Variants in LPGAT1 observed in about 807,000 individuals in gnomAD.
LPGAT1 encodes the protein acyl-CoA:lysophosphatidylglycerol acyltransferase 1.
Under a neutral mutation model 47.5 loss-of-function variants are expected in LPGAT1, and 11 were observed. The ratio of observed to expected loss-of-function variants is 0.23; its 90% CI spans 0.15 to 0.38. The LOEUF is 0.38. Ranked by LOEUF, LPGAT1 falls within the 10% of genes least tolerant of loss-of-function variation. The probability of loss-of-function intolerance (pLI) is 1.00; values close to 1 mark genes in which losing one functional copy is unlikely to be tolerated. For missense variants in LPGAT1, 293 were observed against 439.0 expected, an observed-to-expected ratio of 0.67 and a Z score of 2.97; for synonymous variants, 138 against 144.2, an observed-to-expected ratio of 0.96 and a Z score of 0.31.
chr1:211,830,520 T>A lies in LPGAT1; in HGVS notation c.-28+53A>T. The A allele has an allele frequency of 8.4e-7, 1 of 1,194,498 alleles. No homozygotes were observed. Among genetic ancestry groups the A allele is most frequent in the African/African-American group, 1.6e-5 (1 of 62,714 alleles). 74.0% of individuals were successfully genotyped at this position (1,194,498 alleles called of 1,614,324 possible). Reference sequence around the variant, plus strand: ...CCTTCCCCGCCCCCAGCGCCTCCCCTGGCCCGGCTCCGCTGCCGCTCTGGG... The same window carrying A: ...CCTTCCCCGCCCCCAGCGCCTCCCCAGGCCCGGCTCCGCTGCCGCTCTGGG... On this transcript the variant is annotated intron_variant, in intron 1 of 7. Transcript: ENST00000366997. This position sits in a 1 kb window ranked among gnomAD's most constrained non-coding sequence, Gnocchi z 5.9.
intron 5 of LPGAT1, among the ~76,000 whole-genome samples, chr1:211,781,177 CT>C (rs751270760): frequency 1.3e-5 from 2 of 152,016 alleles, no homozygotes; most frequent in Non-Finnish European, 2.9e-5. Flanking sequence ...TATAATTTTT[CT>C]TCTAAACAGG....
Position 211,758,418 on chromosome 1 carries a change from C to G in LPGAT1, c.855-7351G>C, listed in dbSNP as rs547814832. Among the ~76,000 whole-genome samples the G allele has an allele frequency of 1.1e-4, 17 of 152,190 alleles. 1 individual carries two copies. In the East Asian group the frequency reaches 3.1e-3, roughly 28 times the overall value. ...ATTGCTCTGGTAAGAACCTCTAGTA[C>G]AGGGCCGGGCATTGTGGCTCACACC... is the stretch of plus-strand genomic sequence containing the variant. On this transcript the variant is annotated intron_variant, in intron 6 of 7. Transcript: ENST00000366997.
intron 6 of LPGAT1, among the ~76,000 whole-genome samples, chr1:211,778,359 A>C (rs796330229): frequency 0.021 from 3,178 of 148,644 alleles, 136 homozygotes; most frequent in South Asian, 0.1. Context: ...AAAAAAAAAA[A>C]AAAAAAAAAA....
intron 2 of LPGAT1, among the ~76,000 whole-genome samples, chr1:211,819,604 C>A (rs1482776229): frequency 2.6e-5 from 4 of 152,128 alleles, no homozygotes; most frequent in Non-Finnish European, 5.9e-5. Context: ...GGGTGGAGAG[C>A]AGCTTATAGG....
rs148168546 is a variant in LPGAT1, at chr1:211,822,902, G to A, written c.238+6157C>T. On this transcript the variant is annotated intron_variant, in intron 2 of 7. Transcript: ENST00000366997. ...GGAGTTTTTGTTCTCCACATGAGTA[G>A]AGAGCCTTAAGGAAGTTAGATTTTA... Among the ~76,000 whole-genome samples the A allele has an allele frequency of 1.1e-3, 170 of 152,218 alleles. 1 individual carries two copies. Among genetic ancestry groups the A allele is most frequent in the African/African-American group, 3.9e-3 (162 of 41,532 alleles).
chr1:211,766,250 A>C (rs867849062), intron 6 of LPGAT1, among the ~76,000 whole-genome samples: 4 of 152,150 alleles, frequency 2.6e-5, no homozygotes, highest in Non-Finnish European at 4.4e-5. Context: ...GACCGGAACG[A>C]CACCACTGGC....
At chr1:211,826,666 G>GATATATATATATATAT (rs10565966) in intron 2 of LPGAT1, among the ~76,000 whole-genome samples, 1 of 148,720 alleles carries the variant, frequency 6.7e-6, no homozygotes, top group African/African-American at 2.5e-5. Context: ...TTTGGAAAAA[G>GATATATATATATATAT]ATATATATAT....
chr1:211,751,138 T>C (rs564077448), intron 6 of LPGAT1, 71 bp from the exon 7 acceptor site: 2 of 967,882 alleles, frequency 2.1e-6, no homozygotes, highest in Admixed American at 2.4e-5. Flanking sequence ...AACCACAACT[T>C]ATGATGAAAA....
chr1:211,824,123 A>G (rs1269854767), intron 2 of LPGAT1, among the ~76,000 whole-genome samples: 1 of 152,136 alleles, frequency 6.6e-6, no homozygotes, highest in Non-Finnish European at 1.5e-5. Flanking sequence ...AGCCCAGTGC[A>G]GTGGCTCACC....
At chr1:211,761,950 G>C (rs1192569440) in intron 6 of LPGAT1, among the ~76,000 whole-genome samples, 1 of 152,056 alleles carries the variant, frequency 6.6e-6, no homozygotes, top group Non-Finnish European at 1.5e-5. Context: ...CTTCCATAAA[G>C]TTTCCTCTGG....
intron 6 of LPGAT1, among the ~76,000 whole-genome samples, chr1:211,777,371 GAAGAA>G (rs975452565): frequency 5.3e-5 from 8 of 152,108 alleles, no homozygotes; most frequent in African/African-American, 1.9e-4. Flanking sequence ...TAAACCCTGG[GAAGAA>G]AAGAAAAGTA....
At chr1:211,809,730 C>A (rs1036450438) in intron 2 of LPGAT1, among the ~76,000 whole-genome samples, 1 of 152,166 alleles carries the variant, frequency 6.6e-6, no homozygotes, top group Non-Finnish European at 1.5e-5. Flanking sequence ...CTTTGCTCCT[C>A]ATTCACTTTC....
intron 6 of LPGAT1, among the ~76,000 whole-genome samples, chr1:211,770,713 G>T (rs1001517306): frequency 6.6e-6 from 1 of 152,084 alleles, no homozygotes; most frequent in South Asian, 2.1e-4. Context: ...TAATATCCTA[G>T]GCCTTCACAT....
Position 211,744,159 on chromosome 1 carries a change from T to A in LPGAT1, c.*5740A>T, listed in dbSNP as rs1156289724. On this transcript the variant is annotated 3_prime_UTR_variant, in exon 8 of 8. Transcript: ENST00000366997. ...CCCTGGCCAGGGTCAGTGATAGGAATTTCCTGAGTTCAGCAAGTAGATTAA... is the reference window on the plus strand; with the variant it reads ...CCCTGGCCAGGGTCAGTGATAGGAAATTCCTGAGTTCAGCAAGTAGATTAA... The A allele has an allele frequency of 1.3e-5, 2 of 152,170 alleles. No individual in the cohort carries two copies. Among genetic ancestry groups the A allele is most frequent in the Admixed American group, 1.3e-4 (2 of 15,278 alleles). The allele number at this position is 152,170 out of a possible 1,614,324, so 9.4% of individuals were successfully genotyped here. A position where few individuals can be genotyped will look rare whatever the true frequency, so the allele number is the denominator to read the frequency against.
intron 2 of LPGAT1, among the ~76,000 whole-genome samples, chr1:211,795,436 C>G (rs1659312316): frequency 6.6e-6 from 1 of 152,126 alleles, no homozygotes; most frequent in Non-Finnish European, 1.5e-5. Context: ...GGCGTGATCT[C>G]AGCTCACCGC....
At position 211,790,215 on chromosome 1, in the gene LPGAT1, G is replaced by A. The variant is rs538198082; in HGVS notation, c.358-2488C>T. 4.3e-4 allele frequency among the ~76,000 whole-genome samples: 65 copies of A among 152,280 alleles called. 2 individuals are homozygous for A. The South Asian group carries it at 0.013, about 30-fold the overall frequency. ...TGGTCCTTGTGACAACAAGGACTAAGGAGTGCTACTAGCATTTAGTGTGTG... is the reference window on the plus strand; with the variant it reads ...TGGTCCTTGTGACAACAAGGACTAAAGAGTGCTACTAGCATTTAGTGTGTG... On this transcript the variant is annotated intron_variant, in intron 3 of 7. Transcript: ENST00000366997.
intron 6 of LPGAT1, among the ~76,000 whole-genome samples, chr1:211,756,580 C>T (rs1657464180): frequency 6.6e-6 from 1 of 152,150 alleles, no homozygotes; most frequent in Non-Finnish European, 1.5e-5. Flanking sequence ...GAGATACACC[C>T]TCTTCGGTCT....
intron 6 of LPGAT1, among the ~76,000 whole-genome samples, chr1:211,771,822 T>G (rs928206663): frequency 6.6e-6 from 1 of 152,194 alleles, no homozygotes; most frequent in Non-Finnish European, 1.5e-5. Context: ...TTAGTTTTGA[T>G]GTACTCATAT....
rs1660695417 is a variant in LPGAT1, at chr1:211,830,419, C to G, written c.-28+154G>C. ...GGCGGGCGGATGCCCCGCGCCCCCGCCTCCTCCCCGGGGCCTACCGCGCCC... is the reference window on the plus strand; with the variant it reads ...GGCGGGCGGATGCCCCGCGCCCCCGGCTCCTCCCCGGGGCCTACCGCGCCC... On this transcript the variant is annotated intron_variant, in intron 1 of 7. Coordinates refer to ENST00000366997, the MANE Select transcript of LPGAT1 (RefSeq NM_014873.3). This position sits in a 1 kb window ranked among gnomAD's most constrained non-coding sequence, Gnocchi z 5.9. 1 of 1,176,160 alleles carries G rather than the reference C, an allele frequency of 8.5e-7. No individual in the cohort carries two copies. Among genetic ancestry groups the G allele is most frequent in the Non-Finnish European group, 1.1e-6 (1 of 950,642 alleles). 72.9% of individuals were successfully genotyped at this position (1,176,160 alleles called of 1,614,324 possible).
Sources: gnomAD v4.1 joint callset for allele counts (sites outside exome capture counted in the v4.1 genomes callset) on GRCh38, gnomAD v4.1.1 for gene constraint, Gnocchi (gnomAD v3.1) non-coding constraint, MANE v1.5 for transcripts, NCBI Gene and HGNC (gene_info 2026-07-23, HGNC 2026-07-21) for gene names.